DMXL2: variants seen among roughly 807,000 people sequenced by gnomAD.
DMXL2 encodes the protein Dmx like 2.
Under a neutral mutation model 331.1 loss-of-function variants are expected in DMXL2, and 103 were observed. The observed-to-expected ratio is 0.31, with a 90% CI of 0.27 to 0.37. DMXL2 has a LOEUF of 0.37. Among genes scored for constraint, DMXL2 ranks in the 10% least tolerant of loss-of-function variants. DMXL2 has a pLI of 1.00. For missense variants in DMXL2, 3,171 were observed against 3,642.9 expected (o/e 0.87, Z 3.33); for synonymous variants, 1,281 against 1,252.1 (o/e 1.02, Z -0.49).
intron 16 of DMXL2, among the ~76,000 whole-genome samples, chr15:51,503,265 G>A (rs1397690756): frequency 6.6e-6 from 1 of 152,130 alleles, no homozygotes; most frequent in Non-Finnish European, 1.5e-5. Flanking sequence ...AGGGATAACT[G>A]CACTCCCACA....
chr15:51,459,455 C>T, intron 34 of DMXL2, 143 bp downstream of exon 34: 1 of 524,924 alleles, frequency 1.9e-6, no homozygotes. Flanking sequence ...CATCTCCTCC[C>T]CTGTGCCACT....
At chr15:51,501,612 C>T (rs1567036348) in intron 17 of DMXL2, among the ~76,000 whole-genome samples, 1 of 152,176 alleles carries the variant, frequency 6.6e-6, no homozygotes, top group Non-Finnish European at 1.5e-5. Flanking sequence ...GTAGGCAAGA[C>T]ACCTCACATT....
intron 15 of DMXL2, among the ~76,000 whole-genome samples, chr15:51,508,308 G>A (rs371682751): frequency 6.6e-6 from 1 of 152,090 alleles, no homozygotes; most frequent in Non-Finnish European, 1.5e-5. Context: ...CACATCTATC[G>A]CAGAACTTAA....
At chr15:51,564,898 GA>G (rs2050176723) in intron 4 of DMXL2, among the ~76,000 whole-genome samples, 189 bp downstream of exon 4, 2 of 151,748 alleles carry the variant, frequency 1.3e-5, no homozygotes. Flanking sequence ...AAAGGCAGGG[GA>G]AAAAACAGAA....
chr15:51,619,347 A>G (rs187383850), intron 1 of DMXL2, among the ~76,000 whole-genome samples: 12 of 152,352 alleles, frequency 7.9e-5, no homozygotes, highest in Non-Finnish European at 1.0e-4. Flanking sequence ...ATGTTTTAAA[A>G]TGTGATATCT....
chr15:51,547,245 C>A lies in DMXL2; in HGVS notation c.731G>T (p.Ser244Ile). ...TTCATCTAACCTGGGCATATACTTGCTAGTTTTGCGCCACGAAAAACCTGT... is the reference window on the plus strand; with the variant it reads ...TTCATCTAACCTGGGCATATACTTGATAGTTTTGCGCCACGAAAAACCTGT... ...AVTGFSWRKT[S>I]KYMPRGSVCN... Residue 244 changes from serine to isoleucine, a missense_variant, in exon 7 of 44, where the codon AGC (serine) becomes ATC (isoleucine). This residue lies in a region of DMXL2 where 1,674 missense variants were observed against 1,780.2 expected (regional missense o/e 0.94). Coordinates refer to ENST00000560891, the MANE Select transcript of DMXL2 (RefSeq NM_001378457.1). 6.2e-7 allele frequency: 1 copy of A among 1,609,840 alleles called. No homozygotes were observed.
intron 6 of DMXL2, among the ~76,000 whole-genome samples, chr15:51,553,422 A>C (rs1567109075): frequency 6.6e-6 from 1 of 152,232 alleles, no homozygotes; most frequent in Non-Finnish European, 1.5e-5. Context: ...CATGTGTCTC[A>C]CAAGTGCAGA....
At chr15:51,473,603 A>C (rs1445027943) in intron 28 of DMXL2, among the ~76,000 whole-genome samples, 1 of 152,134 alleles carries the variant, frequency 6.6e-6, no homozygotes, top group East Asian at 1.9e-4. Flanking sequence ...GTGTCATTAA[A>C]CTTGTGTGCC....
At chr15:51,556,355 G>GA (rs59460472) in intron 6 of DMXL2, among the ~76,000 whole-genome samples, 62 of 118,966 alleles carry the variant, frequency 5.2e-4, no homozygotes, top group Non-Finnish European at 5.8e-4. Flanking sequence ...AAAAAAAAAA[G>GA]AAAAAAAAAA....
At chr15:51,479,181 T>C (rs151338897) in intron 25 of DMXL2, among the ~76,000 whole-genome samples, 20 of 152,284 alleles carry the variant, frequency 1.3e-4, no homozygotes, top group Non-Finnish European at 2.4e-4. Flanking sequence ...TAATTCATAA[T>C]ATGGATGAGA....
chr15:51,538,396 A>G lies in DMXL2; in HGVS notation c.1162T>C (p.Phe388Leu). The change falls in exon 10 of 44, where the codon TTT becomes CTT. Residue 388 changes from phenylalanine (F) to leucine (L), a missense_variant. Coordinates refer to ENST00000560891, the MANE Select transcript of DMXL2 (RefSeq NM_001378457.1). ...TTGTTGTTTAACCAATGAACTACAA[A>G]GCCCCCATTTCCATCATCAACATTA... ...AFNVDDGNGG[F>L]VVHWLNNKEF... 1 of 1,612,736 alleles carries G rather than the reference A, an allele frequency of 6.2e-7. No individual in the cohort carries two copies. Among genetic ancestry groups the G allele is most frequent in the Non-Finnish European group, 8.5e-7 (1 of 1,178,814 alleles).
intron 34 of DMXL2, among the ~76,000 whole-genome samples, 169 bp downstream of exon 34, chr15:51,459,429 G>A (rs1256299074): frequency 1.3e-5 from 2 of 152,300 alleles, no homozygotes; most frequent in Middle Eastern, 3.4e-3. Context: ...GACAGAGCAA[G>A]CCAGATACAG....
At chr15:51,520,846 G>T (rs1477101872) in intron 13 of DMXL2, among the ~76,000 whole-genome samples, 3 of 152,150 alleles carry the variant, frequency 2.0e-5, no homozygotes, top group Non-Finnish European at 4.4e-5. Context: ...GACAGAGCAA[G>T]ATTCAGACTC....
chr15:51,594,576 C>T (rs532297150), intron 1 of DMXL2, among the ~76,000 whole-genome samples: 1 of 152,242 alleles, frequency 6.6e-6, no homozygotes, highest in African/African-American at 2.4e-5. Context: ...AGGCCAGCAT[C>T]ATCCTGATAC....
intron 1 of DMXL2, among the ~76,000 whole-genome samples, chr15:51,597,146 T>C (rs1013259719): frequency 2.0e-5 from 3 of 152,076 alleles, no homozygotes; most frequent in Admixed American, 6.6e-5. Context: ...ACTAAGACAA[T>C]GTTTTAAATT....
At position 51,447,801 on chromosome 15, in the gene DMXL2, A is replaced by G. The variant is rs778735429; in HGVS notation, c.*1183T>C. The G allele has an allele frequency of 9.8e-5, 15 of 152,652 alleles. No individual in the cohort carries two copies. The highest frequency in any genetic ancestry group is 1.9e-4 in the Non-Finnish European group (13 of 68,034). The allele number at this position is 152,652 out of a possible 1,614,324, so 9.5% of individuals were successfully genotyped here. A position where few individuals can be genotyped will look rare whatever the true frequency, so the allele number is the denominator to read the frequency against. On this transcript the variant is annotated 3_prime_UTR_variant, in exon 44 of 44. Coordinates refer to ENST00000560891, the MANE Select transcript of DMXL2 (RefSeq NM_001378457.1). ...TATCAAACTAAAAACTCTAACAAAT[A>G]ACATTTATTTTTCTTTTACATATAT...
At chr15:51,620,756 G>A (rs2054574735) in intron 1 of DMXL2, among the ~76,000 whole-genome samples, 2 of 152,162 alleles carry the variant, frequency 1.3e-5, no homozygotes, top group African/African-American at 4.8e-5. Context: ...TAGACTTCGT[G>A]AAACGCTGAA....
At chr15:51,453,407 C>A (rs2039331071) in intron 41 of DMXL2, 143 bp downstream of exon 41, 2 of 529,812 alleles carry the variant, frequency 3.8e-6, no homozygotes, top group Non-Finnish European at 6.3e-6. Flanking sequence ...TAAGAAAAAA[C>A]ACTCTGAAAT....
intron 1 of DMXL2, among the ~76,000 whole-genome samples, chr15:51,614,465 T>C (rs960151741): frequency 3.3e-5 from 5 of 152,216 alleles, no homozygotes; most frequent in Non-Finnish European, 7.3e-5. Flanking sequence ...GAACCACCTG[T>C]CAATTCCTCC....
Sources: gnomAD v4.1 joint callset for allele counts (sites outside exome capture counted in the v4.1 genomes callset) on GRCh38, gnomAD v4.1.1 for gene constraint, gnomAD v4.1.1 regional missense constraint, MANE v1.5 for transcripts, NCBI Gene and HGNC (gene_info 2026-07-23, HGNC 2026-07-21) for gene names.